The following CETP variants were observed in gnomAD, a reference collection of about 807,000 sequenced individuals.
CETP encodes the protein cholesteryl ester transfer protein.
Under a neutral mutation model 66.5 loss-of-function variants are expected in CETP, and 56 were observed. The ratio of observed to expected loss-of-function variants is 0.84; its 90% CI spans 0.68 to 1.05. The LOEUF (loss-of-function observed/expected upper bound fraction) is 1.05, where lower values mean the gene tolerates loss of function less well. Ranked by LOEUF, CETP falls within the 50% of genes least tolerant of loss-of-function variation. The pLI is 0.00. For synonymous variants in CETP, 251 were observed against 245.7 expected, an observed-to-expected ratio of 1.02 and a Z score of -0.20; for missense variants, 612 against 609.6, an observed-to-expected ratio of 1.00 and a Z score of -0.04.
In CETP at chr16:56,973,279, C is replaced by T; in HGVS notation, c.751-52C>T. 3.1e-6 allele frequency: 5 copies of T among 1,596,464 alleles called. No homozygotes were observed. The South Asian group carries it at 4.4e-5, about 14-fold the overall frequency. On this transcript the variant is annotated intron_variant, in intron 8 of 15. Coordinates refer to ENST00000200676, the MANE Select transcript of CETP (RefSeq NM_000078.3). ...CCTCCCAATCTCCCTGAAGCTGGACCTGAGCCCAGTAGGGACACACAGGGT... is the reference window on the plus strand; with the variant it reads ...CCTCCCAATCTCCCTGAAGCTGGACTTGAGCCCAGTAGGGACACACAGGGT...
At chr16:56,975,592 C>T (rs1050087689) in intron 10 of CETP, among the ~76,000 whole-genome samples, 4 of 152,182 alleles carry the variant, frequency 2.6e-5, no homozygotes, top group African/African-American at 9.7e-5. Context: ...CCTTGGAGGT[C>T]GCAGCCCCTT....
In CETP at chr16:56,973,433, C is replaced by T. The variant is rs748488549; in HGVS notation, c.853C>T (p.Arg285Ter). The T allele has an allele frequency of 3.8e-5, 62 of 1,614,114 alleles. No homozygotes were observed. The highest frequency in any genetic ancestry group is 4.6e-5 in the Non-Finnish European group (54 of 1,180,058). The part of the protein sequence containing the change: ...SRMLYFWFSE[R>*]VFHSLAKVAF... ...CATGCTGTACTTCTGGTTCTCTGAG[C>T]GAGTCTTCCACTCGCTGGCCAAGGT... is the stretch of plus-strand genomic sequence containing the variant. The change falls in exon 9 of 16, where the codon CGA (arginine) becomes TGA (stop). Residue 285 changes from arginine to a stop codon, truncating the protein, a stop_gained. Coordinates refer to ENST00000200676, the MANE Select transcript of CETP (RefSeq NM_000078.3). LOFTEE classifies it high-confidence loss of function.
chr16:56,975,696 A>G (rs12720942), intron 10 of CETP, among the ~76,000 whole-genome samples: 2,790 of 152,064 alleles, frequency 0.018, 86 homozygotes, highest in African/African-American at 0.065. Flanking sequence ...AATGGACCTC[A>G]TGCTTTCTGA....
At chr16:56,964,551 C>T (rs961933260) in intron 2 of CETP, among the ~76,000 whole-genome samples, 2 of 152,166 alleles carry the variant, frequency 1.3e-5, no homozygotes, top group African/African-American at 4.8e-5. Context: ...TCTGAGGCCC[C>T]AAGGGTGGGG....
intron 5 of CETP, among the ~76,000 whole-genome samples, chr16:56,970,283 T>TA (rs1406886804): frequency 6.6e-6 from 1 of 152,214 alleles, no homozygotes; most frequent in Non-Finnish European, 1.5e-5. Flanking sequence ...ATTTTGTCCT[T>TA]AAAACCAACC....
chr16:56,973,259 C>G (rs1212982770), intron 8 of CETP, 72 bp from the exon 9 acceptor site: 2 of 1,518,686 alleles, frequency 1.3e-6, no homozygotes, highest in African/African-American at 1.4e-5. Context: ...GGGCTCCTCC[C>G]AATCTCCCTG....
intron 2 of CETP, among the ~76,000 whole-genome samples, chr16:56,965,443 C>T (rs184208710): frequency 3.2e-4 from 48 of 152,260 alleles, no homozygotes; most frequent in Admixed American, 9.2e-4. Context: ...TGTGGATTCT[C>T]CTTGCTGGGC....
rs1263865660 is a variant in CETP at position 56,971,519 on chromosome 16, T to C, written c.658+138T>C. The C allele has an allele frequency of 1.3e-5, 11 of 835,458 alleles. 1 individual carries two copies. The highest frequency in any genetic ancestry group is 2.7e-4 in the Middle Eastern group (1 of 3,660). The allele number at this position is 835,458 out of a possible 1,614,324, so 51.8% of individuals were successfully genotyped here. On this transcript the variant is annotated intron_variant, in intron 7 of 15. Coordinates refer to ENST00000200676, the MANE Select transcript of CETP (RefSeq NM_000078.3). ...TCTATCTGGCTCTGACACTTGATGA[T>C]TAGTTATGAGCATACTTTGGCAAAT...
chr16:56,963,597 A>C (rs2056041825), intron 2 of CETP, among the ~76,000 whole-genome samples: 1 of 152,182 alleles, frequency 6.6e-6, no homozygotes, highest in Admixed American at 6.5e-5. Flanking sequence ...GATGATGGTA[A>C]CAGTCAAGGG....
At chr16:56,983,248 C>A in intron 14 of CETP, 78 bp from the exon 15 acceptor site, 1 of 1,150,792 alleles carries the variant, frequency 8.7e-7, no homozygotes, top group Non-Finnish European at 1.3e-6. Flanking sequence ...CAGCATCTCC[C>A]ACTACCCAGG....
chr16:56,971,610 C>G (rs2056111013), intron 7 of CETP, among the ~76,000 whole-genome samples: 1 of 152,180 alleles, frequency 6.6e-6, no homozygotes, highest in Admixed American at 6.5e-5. Flanking sequence ...GAACTCAGGA[C>G]AAATGGGTGA....
chr16:56,982,209 C>G lies in CETP; in HGVS notation c.1293C>G (p.Thr431=). The G allele has an allele frequency of 6.2e-7, 1 of 1,614,160 alleles. No individual in the cohort carries two copies. Among genetic ancestry groups the G allele is most frequent in the Non-Finnish European group, 8.5e-7 (1 of 1,180,026 alleles). The change falls in exon 14 of 16, where the codon ACC becomes ACG. Residue 431 remains threonine (T), a synonymous_variant. Transcript: ENST00000200676. The stretch of plus-strand genomic sequence containing the variant: ...AGAGCTTCCTGCAGTCAATGATCAC[C>G]GCTGTGGGCATCCCTGAGGTCATGT... The part of the protein sequence containing the change: ...SVQSFLQSMI[T]AVGIPEVMSR...
At chr16:56,969,362 T>C (rs752999236) in intron 2 of CETP, 24 bp from the exon 3 acceptor site, 1 of 1,612,970 alleles carries the variant, frequency 6.2e-7, no homozygotes, top group East Asian at 2.2e-5. Flanking sequence ...CCCAACATCC[T>C]TCCTCACTTC....
intron 12 of CETP, 124 bp from the exon 13 acceptor site, chr16:56,981,522 GT>G (rs1316169837): frequency 2.9e-5 from 34 of 1,166,706 alleles, no homozygotes; most frequent in Non-Finnish European, 4.1e-5. Context: ...TCTCAAGAGA[GT>G]GCCCCAAAGG....
intron 2 of CETP, among the ~76,000 whole-genome samples, chr16:56,966,484 C>T (rs546193447): frequency 7.5e-4 from 114 of 152,294 alleles, no homozygotes; most frequent in African/African-American, 2.6e-3. Flanking sequence ...AGCCCAGCTT[C>T]GTGCTAGAAT....
intron 9 of CETP, 83 bp downstream of exon 9, chr16:56,973,593 G>A: frequency 1.3e-6 from 2 of 1,484,444 alleles, no homozygotes; most frequent in Non-Finnish European, 1.8e-6. Flanking sequence ...GAGGAGGGAG[G>A]AAACTCGGAA....
At chr16:56,970,137 G>A (rs1361094444) in intron 5 of CETP, 136 bp downstream of exon 5, 2 of 760,962 alleles carry the variant, frequency 2.6e-6, no homozygotes, top group Non-Finnish European at 4.6e-6. Flanking sequence ...ACCTTCAGTG[G>A]GGTCACTTCC....
intron 8 of CETP, 99 bp downstream of exon 8, chr16:56,972,182 G>A: frequency 1.2e-6 from 1 of 857,800 alleles, no homozygotes; most frequent in South Asian, 1.4e-5. Flanking sequence ...CAACCTTATG[G>A]CAGCCAAGAG....
chr16:56,975,404 G>A (rs2056142645), intron 10 of CETP, among the ~76,000 whole-genome samples: 1 of 152,218 alleles, frequency 6.6e-6, no homozygotes, highest in Non-Finnish European at 1.5e-5. Flanking sequence ...TGAATGGCAA[G>A]GCTGGGTTTG....
Sources: allele counts gnomAD v4.1 joint callset (sites outside exome capture counted in the v4.1 genomes callset), GRCh38; gene constraint gnomAD v4.1.1; transcripts MANE v1.5; gene names NCBI Gene and HGNC (gene_info 2026-07-23, HGNC 2026-07-21).